Variants in ANK1 observed in about 807,000 individuals in gnomAD.
The protein encoded by ANK1 is ankyrin 1, also known as ankyrin-1.
ANK1 carries 51 observed loss-of-function variants against 210.4 expected under a neutral mutation model. The ratio of observed to expected loss-of-function variants is 0.24; its 90% CI spans 0.19 to 0.31. The LOEUF (loss-of-function observed/expected upper bound fraction) is 0.31, where lower values mean the gene tolerates loss of function less well. ANK1 is among the 10% of genes least tolerant of loss of function. The probability of loss-of-function intolerance (pLI) is 1.00; values close to 1 mark genes in which losing one functional copy is unlikely to be tolerated. For missense variants in ANK1, 2,051 were observed against 2,504.4 expected, an observed-to-expected ratio of 0.82 and a Z score of 3.86; for synonymous variants, 967 against 1,025.9, an observed-to-expected ratio of 0.94 and a Z score of 1.10.
chr8:41,702,266 G>A (rs1399653901), intron 20 of ANK1, 122 bp from the exon 21 acceptor site: 17 of 740,544 alleles, frequency 2.3e-5, no homozygotes, highest in South Asian at 1.7e-4. Context: ...GTGGACAGAC[G>A]TCACCGTGGG....
At chr8:41,778,906 C>G (rs1359804428) in intron 1 of ANK1, among the ~76,000 whole-genome samples, 1 of 152,196 alleles carries the variant, frequency 6.6e-6, no homozygotes, top group Non-Finnish European at 1.5e-5. Flanking sequence ...ATAGAGCTGA[C>G]ATTCCTATGG....
intron 1 of ANK1, among the ~76,000 whole-genome samples, chr8:41,772,620 C>A (rs1321783978): frequency 6.6e-6 from 1 of 152,246 alleles, no homozygotes; most frequent in Non-Finnish European, 1.5e-5. Context: ...TGCACCCAGA[C>A]CTCTTGGGCT....
intron 1 of ANK1, among the ~76,000 whole-genome samples, chr8:41,778,475 T>C (rs751215307): frequency 4.6e-5 from 7 of 152,188 alleles, no homozygotes; most frequent in Non-Finnish European, 1.0e-4. Context: ...TCCATTTCAA[T>C]ACCACCAATG....
chr8:41,701,728 G>A (rs1822855783), intron 21 of ANK1, 106 bp from the exon 22 acceptor site: 5 of 1,204,984 alleles, frequency 4.1e-6, no homozygotes, highest in South Asian at 2.5e-5. Flanking sequence ...CACAAATGAA[G>A]AAAAACAGAC....
intron 1 of ANK1, among the ~76,000 whole-genome samples, chr8:41,833,762 C>T (rs990164312): frequency 1.3e-5 from 2 of 152,136 alleles, no homozygotes; most frequent in Non-Finnish European, 2.9e-5. Context: ...GTGTACAGAA[C>T]AATCCTGGCA....
intron 20 of ANK1, among the ~76,000 whole-genome samples, chr8:41,702,762 G>A (rs1023041269): frequency 4.6e-5 from 7 of 152,160 alleles, no homozygotes; most frequent in Non-Finnish European, 8.8e-5. Flanking sequence ...CTTGGGCTCC[G>A]TTCAGATTCA....
chr8:41,747,817 G>A (rs1836564203), intron 2 of ANK1, among the ~76,000 whole-genome samples: 1 of 152,152 alleles, frequency 6.6e-6, no homozygotes, highest in African/African-American at 2.4e-5. Context: ...GGATTCCATG[G>A]AATGTCCCTG....
chr8:41,721,656 C>CAAAAAAAAAAAA (rs55653901), intron 9 of ANK1, among the ~76,000 whole-genome samples: 16 of 108,120 alleles, frequency 1.5e-4, no homozygotes, highest in Admixed American at 3.9e-4. Context: ...GACTTCATCT[C>CAAAAAAAAAAAA]AAAAAAAAAA....
At chr8:41,879,199 C>G (rs1294808739) in intron 1 of ANK1, among the ~76,000 whole-genome samples, 1 of 152,148 alleles carries the variant, frequency 6.6e-6, no homozygotes, top group Non-Finnish European at 1.5e-5. Context: ...GAGCCGTGAC[C>G]TGGGGAATGT....
chr8:41,675,226 A>G (rs183315028), intron 37 of ANK1, among the ~76,000 whole-genome samples: 1 of 152,248 alleles, frequency 6.6e-6, no homozygotes, highest in Non-Finnish European at 1.5e-5. Flanking sequence ...CACTGGGAGT[A>G]GCTGGGATTA....
intron 1 of ANK1, among the ~76,000 whole-genome samples, chr8:41,860,024 A>G (rs563157865): frequency 1.3e-5 from 2 of 152,360 alleles, no homozygotes; most frequent in South Asian, 4.1e-4. Flanking sequence ...CAACTGGAGC[A>G]AGGACATGGC....
Position 41,740,526 on chromosome 8 carries a change from A to C in ANK1, c.130-6457T>G, listed in dbSNP as rs527960371. ...CTACAGCCCCTCCCCTAGGAGTCCC[A>C]AGGTGGCTGCTCCTATCTTCCCTAC... On this transcript the variant is annotated intron_variant, in intron 2 of 42. Transcript: ENST00000289734. Among the ~76,000 whole-genome samples the C allele has an allele frequency of 3.9e-5, 6 of 152,074 alleles. No individual in the cohort carries two copies. The East Asian group carries it at 1.2e-3, about 30-fold the overall frequency.
chr8:41,784,002 T>C (rs556406900), intron 1 of ANK1, among the ~76,000 whole-genome samples: 2 of 151,600 alleles, frequency 1.3e-5, no homozygotes, highest in Admixed American at 6.6e-5. Flanking sequence ...TGGGCTATGA[T>C]TGCATCACTG....
At chr8:41,733,455 A>T (rs150005612) in intron 3 of ANK1, among the ~76,000 whole-genome samples, 1 of 152,238 alleles carries the variant, frequency 6.6e-6, no homozygotes, top group Non-Finnish European at 1.5e-5. Flanking sequence ...CAATAAATGC[A>T]TCCAATAAGT....
rs564395011 is a variant in ANK1 at position 41,857,122 on chromosome 8, C to T, written c.126+39233G>A. On this transcript the variant is annotated intron_variant, in intron 1 of 42. Coordinates refer to the ANK1 transcript ENST00000265709. ...TCAAACTCCTGACCTCAAAATGATT[C>T]GCTGGCCTCAGCCTCCTAAAGTGCT... 6.0e-5 allele frequency among the ~76,000 whole-genome samples: 9 copies of T among 150,482 alleles called. No homozygotes were observed. The East Asian group carries it at 1.4e-3, about 23-fold the overall frequency.
In ANK1 at chr8:41,797,165, A is replaced by G. The variant is rs932882756; in HGVS notation, c.27+347T>C. On this transcript the variant is annotated intron_variant, in intron 1 of 42. Coordinates refer to ENST00000289734, the MANE Select transcript of ANK1 (RefSeq NM_000037.4). This position sits in a 1 kb window ranked among gnomAD's most constrained non-coding sequence, Gnocchi z 4.0. ...AACGCAGTTTAGCAGACTCAAAGGA[A>G]AGCCTCTAAGATCTCAATAGATTTG... Among the ~76,000 whole-genome samples the G allele has an allele frequency of 1.3e-5, 2 of 152,212 alleles. No individual in the cohort carries two copies. Among genetic ancestry groups the G allele is most frequent in the African/African-American group, 4.8e-5 (2 of 41,462 alleles).
intron 2 of ANK1, among the ~76,000 whole-genome samples, chr8:41,740,134 C>A (rs1834397139): frequency 6.7e-6 from 1 of 149,314 alleles, no homozygotes; most frequent in Non-Finnish European, 1.5e-5. Context: ...TAGTCGACCC[C>A]TGCTTGTTTT....
chr8:41,724,366 G>T, intron 7 of ANK1, 90 bp downstream of exon 7: 1 of 1,157,752 alleles, frequency 8.6e-7, no homozygotes, highest in Non-Finnish European at 1.3e-6. Context: ...AGGCACTTCT[G>T]CCACTGGGAT....
Position 41,734,132 on chromosome 8 carries a change from G to T in ANK1, c.130-63C>A, listed in dbSNP as rs193070069. 6.0e-3 allele frequency: 8,432 copies of T among 1,406,006 alleles called. 42 individuals carry two copies. Among genetic ancestry groups the T allele is most frequent in the Non-Finnish European group, 7.8e-3 (7,755 of 994,430 alleles). 87.1% of individuals were successfully genotyped at this position (1,406,006 alleles called of 1,614,324 possible). A position where few individuals can be genotyped will look rare whatever the true frequency, so the allele number is the denominator to read the frequency against. ...CAAATGGTGCTTTCTGCACGTCCCA[G>T]TGGGGGCCCAGGCCCCTTCCCAGCC... On this transcript the variant is annotated intron_variant, in intron 2 of 42. Transcript: ENST00000289734.
Sources: allele counts gnomAD v4.1 joint callset (sites outside exome capture counted in the v4.1 genomes callset), GRCh38; gene constraint gnomAD v4.1.1; non-coding constraint Gnocchi (gnomAD v3.1); transcripts MANE v1.5; gene names NCBI Gene and HGNC (gene_info 2026-07-23, HGNC 2026-07-21).